Variants in TEX9 observed in about 807,000 individuals in gnomAD.
The protein encoded by TEX9 is testis-expressed protein 9.
In TEX9, 74 loss-of-function variants were observed where a neutral mutation model predicts 59.6. The ratio of observed to expected loss-of-function variants is 1.24; its 90% confidence interval spans 1.03 to 1.51. The LOEUF is 1.51. TEX9 is among the 40% of genes most tolerant of loss of function. The pLI is 0.00. For synonymous variants in TEX9, 186 were observed against 152.2 expected, an observed-to-expected ratio of 1.22 and a Z score of -1.64; for missense variants, 522 against 447.8, an observed-to-expected ratio of 1.17 and a Z score of -1.49.
chr15:56,302,347 A>G (rs2045379452), intron 1 of TEX9, among the ~76,000 whole-genome samples: 2 of 150,864 alleles, frequency 1.3e-5, no homozygotes, highest in African/African-American at 4.9e-5. Context: ...ACACACACAC[A>G]CACACACACA....
chr15:56,354,669 C>T (rs1417575678), intron 1 of TEX9, among the ~76,000 whole-genome samples: 1 of 152,110 alleles, frequency 6.6e-6, no homozygotes, highest in Non-Finnish European at 1.5e-5. Flanking sequence ...AAGTCAGAGG[C>T]ATCTTACAGT....
At chr15:56,456,098 G>A in the TEX9 span, among the ~76,000 whole-genome samples, 3 of 152,054 alleles carry the variant, frequency 2.0e-5, no homozygotes, top group Non-Finnish European at 4.4e-5. Flanking sequence ...TATTACCTAA[G>A]GTTTCTCTTA....
intron 1 of TEX9, among the ~76,000 whole-genome samples, chr15:56,275,813 TA>T (rs542232572): frequency 1.2e-4 from 18 of 152,134 alleles, no homozygotes; most frequent in East Asian, 3.9e-4. Context: ...TGTTTAGCTT[TA>T]AAAAAAATTG....
upstream of TEX9, among the ~76,000 whole-genome samples, chr15:56,364,470 T>TC (rs1359971785): frequency 5.3e-5 from 8 of 150,994 alleles, no homozygotes; most frequent in Non-Finnish European, 1.0e-4. Flanking sequence ...TCTTTTCTTT[T>TC]TTTTTTTTTT....
chr15:56,333,534 A>C (rs953194103), intron 1 of TEX9, among the ~76,000 whole-genome samples: 1 of 152,156 alleles, frequency 6.6e-6, no homozygotes. Flanking sequence ...CAACACAATA[A>C]AAGCCATAGA....
At chr15:56,277,425 T>C (rs1328144808) in intron 1 of TEX9, among the ~76,000 whole-genome samples, 1 of 152,210 alleles carries the variant, frequency 6.6e-6, no homozygotes, top group Non-Finnish European at 1.5e-5. Context: ...ATTTATTAAG[T>C]AGGAAATCCT....
chr15:56,387,862 C>G (rs2142224912), intron 4 of TEX9, among the ~76,000 whole-genome samples: 2 of 151,988 alleles, frequency 1.3e-5, no homozygotes, highest in African/African-American at 4.8e-5. Flanking sequence ...GTTTGCAGAC[C>G]TCCATAAACA....
intron 1 of TEX9, among the ~76,000 whole-genome samples, chr15:56,265,178 TTA>T (rs201435465): frequency 3.3e-5 from 5 of 150,998 alleles, no homozygotes; most frequent in Non-Finnish European, 3.0e-5. Flanking sequence ...TTTTTTTTTT[TTA>T]ACAGGGTCTC....
intron 1 of TEX9, among the ~76,000 whole-genome samples, chr15:56,260,524 C>T (rs1216192895): frequency 2.0e-5 from 3 of 151,936 alleles, no homozygotes; most frequent in African/African-American, 7.2e-5. Context: ...ATAAAAAAAG[C>T]AAATATAATT....
Position 56,443,484 on chromosome 15 carries a change from C to T in TEX9, c.*30-2187C>T, listed in dbSNP as rs768466512. 3.1e-6 allele frequency: 5 copies of T among 1,600,064 alleles called. No individual in the cohort carries two copies. In the Admixed American group the frequency reaches 8.7e-5, roughly 28 times the overall value. On this transcript the variant is annotated intron_variant, in intron 12 of 12. Coordinates refer to ENST00000352903, the Ensembl canonical transcript of TEX9. ...GTTCTTCCTGGTATAATTCTTGTCG[C>T]ACTTGTTCCAAATCTTCACGTTGCC...
At chr15:56,393,203 T>G (rs1309052901) in intron 7 of TEX9, among the ~76,000 whole-genome samples, 1 of 152,196 alleles carries the variant, frequency 6.6e-6, no homozygotes, top group Non-Finnish European at 1.5e-5. Context: ...GGCCAACTAC[T>G]GTCAACTTCA....
intron 3 of TEX9, among the ~76,000 whole-genome samples, chr15:56,381,334 C>G (rs1238141853): frequency 6.6e-6 from 1 of 152,124 alleles, no homozygotes; most frequent in African/African-American, 2.4e-5. Flanking sequence ...TGAGCTTTCT[C>G]AAAACAGCTA....
chr15:56,394,304 T>C, intron 8 of TEX9, 57 bp downstream of exon 8: 1 of 1,390,858 alleles, frequency 7.2e-7, no homozygotes, highest in Non-Finnish European at 9.8e-7. Context: ...TTAGGAGCAA[T>C]TTCAATTACA....
chr15:56,394,609 G>C lies in TEX9; in HGVS notation c.655-52G>C, dbSNP rs2048367352. 3.0e-6 allele frequency: 4 copies of C among 1,312,018 alleles called. No homozygotes were observed. In the East Asian group the frequency reaches 9.8e-5, roughly 32 times the overall value. The allele number at this position is 1,312,018 out of a possible 1,614,324, so 81.3% of individuals were successfully genotyped here. On this transcript the variant is annotated intron_variant, in intron 8 of 12. Transcript: ENST00000352903. ...AACGTCTTTTTTTCTGCTTTGTTTT[G>C]ATAACAAATCTTACATATTTTTTCA...
rs570355679 is a variant in TEX9, at chr15:56,429,207, AC to A, written c.*29+735del. ...TTTAAATACTCCCTACGAGAAAAAT[AC>A]TTTGTGGGTTACTTTTGAATACCAG... is the stretch of plus-strand genomic sequence containing the variant. On this transcript the variant is annotated intron_variant, in intron 12 of 12. Transcript: ENST00000352903. 4.5e-4 allele frequency: 698 copies of A among 1,544,862 alleles called. 6 individuals are homozygous for A. The African/African-American group carries it at 8.7e-3, about 19-fold the overall frequency.
At chr15:56,348,970 T>C (rs2046525034) in intron 1 of TEX9, among the ~76,000 whole-genome samples, 1 of 152,028 alleles carries the variant, frequency 6.6e-6, no homozygotes, top group Admixed American at 6.6e-5. Flanking sequence ...TCTACGGACC[T>C]ATCTTCAGGT....
intron 1 of TEX9, among the ~76,000 whole-genome samples, chr15:56,343,662 A>G (rs1315282462): frequency 6.6e-6 from 1 of 152,136 alleles, no homozygotes; most frequent in Admixed American, 6.6e-5. Flanking sequence ...ACACCTTAGA[A>G]ACACATTTTG....
chr15:56,310,111 G>A (rs2045574710), intron 1 of TEX9, among the ~76,000 whole-genome samples: 1 of 152,150 alleles, frequency 6.6e-6, no homozygotes, highest in African/African-American at 2.4e-5. Context: ...GCCATCCTAG[G>A]GACGTGGCTT....
At chr15:56,408,444 T>C (rs553195094) in intron 9 of TEX9, 18 of 152,382 alleles carry the variant, frequency 1.2e-4, no homozygotes, top group African/African-American at 4.3e-4. Context: ...CCCAAGTCTC[T>C]TCTCTGTCTA....
Sources: gnomAD v4.1 joint callset for allele counts (sites outside exome capture counted in the v4.1 genomes callset) on GRCh38, gnomAD v4.1.1 for gene constraint, MANE v1.5 for transcripts, NCBI Gene and HGNC (gene_info 2026-07-23, HGNC 2026-07-21) for gene names.